Variants in SV2B observed in about 807,000 individuals in gnomAD.
SV2B encodes synaptic vesicle glycoprotein 2B.
A neutral mutation model predicts 73.9 loss-of-function variants in SV2B; 41 were observed. The ratio of observed to expected loss-of-function variants is 0.56; its 90% CI spans 0.43 to 0.72. The LOEUF is 0.72. Ranked by LOEUF, SV2B falls within the 30% of genes least tolerant of loss-of-function variation. SV2B has a pLI of 0.00. For synonymous variants in SV2B, 314 were observed against 314.2 expected (o/e 1.00, Z 0.01); for missense variants, 764 against 857.8 (o/e 0.89, Z 1.37).
intron 1 of SV2B, among the ~76,000 whole-genome samples, chr15:91,195,876 AT>A (rs1469577424): frequency 1.3e-5 from 2 of 152,192 alleles, no homozygotes; most frequent in Admixed American, 6.5e-5. Context: ...GTGTGTTGTT[AT>A]TACTATCTAT....
chr15:91,134,547 C>T (rs11637280), intron 1 of SV2B, among the ~76,000 whole-genome samples: 16,228 of 152,110 alleles, frequency 0.11, 933 homozygotes, highest in Non-Finnish European at 0.12. Context: ...CCAGGACACC[C>T]GGCGTGATCA....
At chr15:91,163,776 C>T (rs980154977) in intron 1 of SV2B, among the ~76,000 whole-genome samples, 38 of 152,164 alleles carry the variant, frequency 2.5e-4, no homozygotes, top group Non-Finnish European at 4.4e-4. Flanking sequence ...AATTAGATCC[C>T]ATTAGTCAAT....
rs908557347 is a variant in SV2B, at chr15:91,284,032, C to T, written c.1519C>T (p.His507Tyr). The change falls in exon 11 of 13, where the codon CAC becomes TAC. Residue 507 changes from histidine (H) to tyrosine (Y), a missense_variant. Transcript: ENST00000394232. The surrounding 1 kb of genome is among the most constrained non-coding windows in gnomAD (Gnocchi z 4.5). The part of the protein sequence containing the change: ...TIFYNTDLYE[H>Y]KFINCRFINS... ...CCTTCTCTCCCCAGACCTCTACGAGCACAAGTTCATCAACTGTCGGTTTAT... is the reference window on the plus strand; with the variant it reads ...CCTTCTCTCCCCAGACCTCTACGAGTACAAGTTCATCAACTGTCGGTTTAT... 6.2e-6 allele frequency: 10 copies of T among 1,614,184 alleles called. No homozygotes were observed. The highest frequency in any genetic ancestry group is 8.5e-6 in the Non-Finnish European group (10 of 1,180,024).
rs367681549 is a variant in SV2B at position 91,299,146 on chromosome 15, G to A, written c.*6594G>A. On this transcript the variant is annotated 3_prime_UTR_variant, in exon 13 of 13. Transcript: ENST00000394232. Reference sequence around the variant, plus strand: ...TTATGTTATACACCATAAATATATAGAAGTTTTACTTGTCAATTAAAACTA... The same window carrying A: ...TTATGTTATACACCATAAATATATAAAAGTTTTACTTGTCAATTAAAACTA... 1.3e-4 allele frequency: 20 copies of A among 152,088 alleles called. No individual in the cohort carries two copies. Among genetic ancestry groups the A allele is most frequent in the African/African-American group, 4.6e-4 (19 of 41,468 alleles). The allele number at this position is 152,088 out of a possible 1,614,324, so 9.4% of individuals were successfully genotyped here. A position where few individuals can be genotyped will look rare whatever the true frequency, so the allele number is the denominator to read the frequency against.
intron 1 of SV2B, among the ~76,000 whole-genome samples, chr15:91,133,462 T>C (rs1487978991): frequency 6.6e-6 from 1 of 152,120 alleles, no homozygotes; most frequent in Admixed American, 6.5e-5. Context: ...ATTCTAATGA[T>C]AGTCTATTTT....
At chr15:91,151,098 G>A (rs57590898) in intron 1 of SV2B, among the ~76,000 whole-genome samples, 32 of 152,342 alleles carry the variant, frequency 2.1e-4, no homozygotes, top group Admixed American at 2.0e-3. Context: ...CACCATGAGC[G>A]TGGAGCTCTG....
At chr15:91,219,907 T>C (rs2141460482) in intron 1 of SV2B, among the ~76,000 whole-genome samples, 1 of 152,380 alleles carries the variant, frequency 6.6e-6, no homozygotes, top group South Asian at 2.1e-4. Context: ...GTTTAGCTTC[T>C]TTCATTTGAC....
At chr15:91,212,978 TAAAA>T (rs34863204) in intron 1 of SV2B, among the ~76,000 whole-genome samples, 1 of 127,102 alleles carries the variant, frequency 7.9e-6, no homozygotes. Flanking sequence ...CTGTCTCTAC[TAAAA>T]AAAAAAAAAA....
chr15:91,160,073 A>G (rs1486067208), intron 1 of SV2B, among the ~76,000 whole-genome samples: 1 of 152,218 alleles, frequency 6.6e-6, no homozygotes, highest in Non-Finnish European at 1.5e-5. Context: ...TTCCCAAAGT[A>G]ATATATGAAA....
rs2042541242 is a variant in SV2B, at chr15:91,128,197, C to T, written c.-392+27834C>T. On this transcript the variant is annotated intron_variant, in intron 1 of 12. Coordinates refer to ENST00000394232, the MANE Select transcript of SV2B (RefSeq NM_001323032.3). This position sits in a 1 kb window ranked among gnomAD's most constrained non-coding sequence, Gnocchi z 4.2. Reference sequence around the variant, plus strand: ...TCTTTGTGTAGCGGAGATTTTCAGTCCCTCCTGGGAGCTGTTTTCACCCTC... The same window carrying T: ...TCTTTGTGTAGCGGAGATTTTCAGTTCCTCCTGGGAGCTGTTTTCACCCTC... 6.6e-6 allele frequency among the ~76,000 whole-genome samples: 1 copy of T among 152,160 alleles called. No individual in the cohort carries two copies. The highest frequency in any genetic ancestry group is 1.5e-5 in the Non-Finnish European group (1 of 68,018).
chr15:91,202,335 A>G (rs1031747666), intron 1 of SV2B, among the ~76,000 whole-genome samples: 1 of 152,224 alleles, frequency 6.6e-6, no homozygotes, highest in Non-Finnish European at 1.5e-5. Context: ...TGCTTAGCAC[A>G]TAGTAGGTGC....
At chr15:91,146,978 C>T (rs2043165257) in intron 1 of SV2B, among the ~76,000 whole-genome samples, 1 of 152,158 alleles carries the variant, frequency 6.6e-6, no homozygotes, top group Non-Finnish European at 1.5e-5. Flanking sequence ...TGCAAAGCTT[C>T]TGAGCCATAT....
At chr15:91,213,102 G>C (rs1382494016) in intron 1 of SV2B, among the ~76,000 whole-genome samples, 2 of 152,040 alleles carry the variant, frequency 1.3e-5, no homozygotes, top group Non-Finnish European at 2.9e-5. Context: ...GCAGTGAACT[G>C]AGATCGTGCC....
intron 2 of SV2B, among the ~76,000 whole-genome samples, chr15:91,233,986 G>T (rs1236356277): frequency 6.6e-6 from 1 of 152,172 alleles, no homozygotes; most frequent in Non-Finnish European, 1.5e-5. Flanking sequence ...ATAAAGTTGG[G>T]TCAGGCTACA....
At chr15:91,162,212 A>G (rs11858273) in intron 1 of SV2B, among the ~76,000 whole-genome samples, 59,488 of 151,858 alleles carry the variant, frequency 0.39, 12,155 homozygotes, top group East Asian at 0.7. Context: ...AAAAATGTGT[A>G]TGTCTTTAGT....
intron 1 of SV2B, chr15:91,102,421 G>T (rs777514408): frequency 2.6e-5 from 4 of 152,150 alleles, no homozygotes; most frequent in Admixed American, 6.5e-5. Context: ...TTAAAGAAAA[G>T]ATACTTTAAA....
At position 91,297,323 on chromosome 15, in the gene SV2B, A is replaced by T. The variant is rs923651121; in HGVS notation, c.*4771A>T. 6.6e-6 allele frequency: 1 copy of T among 152,218 alleles called. No homozygotes were observed. Among genetic ancestry groups the T allele is most frequent in the Admixed American group, 6.5e-5 (1 of 15,288 alleles). The allele number at this position is 152,218 out of a possible 1,614,324, so 9.4% of individuals were successfully genotyped here. On this transcript the variant is annotated 3_prime_UTR_variant, in exon 13 of 13. Transcript: ENST00000394232. The surrounding 1 kb of genome is among the most constrained non-coding windows in gnomAD (Gnocchi z 5.1). Reference sequence around the variant, plus strand: ...ATCCAGCCTCCCTTTGCTGCAGAGGAGGCAGGGAAATGCGGTATTTACTGG... The same window carrying T: ...ATCCAGCCTCCCTTTGCTGCAGAGGTGGCAGGGAAATGCGGTATTTACTGG...
Position 91,280,996 on chromosome 15 carries a change from T to C in SV2B, c.1374-732T>C, listed in dbSNP as rs1207124098. ...TTAAAGATTATTCCATATTAACACA[T>C]ATAGATCTACCTCATTTACTACGAT... is the stretch of plus-strand genomic sequence containing the variant. On this transcript the variant is annotated intron_variant, in intron 9 of 12. Transcript: ENST00000394232. The surrounding 1 kb of genome is among the most constrained non-coding windows in gnomAD (Gnocchi z 5.8). 6.6e-6 allele frequency among the ~76,000 whole-genome samples: 1 copy of C among 152,232 alleles called. No homozygotes were observed. Among genetic ancestry groups the C allele is most frequent in the African/African-American group, 2.4e-5 (1 of 41,462 alleles).
rs1393188397 is a variant in SV2B, at chr15:91,128,440, A to G, written c.-392+28077A>G. Among the ~76,000 whole-genome samples, 1 of 152,222 alleles carries G rather than the reference A, an allele frequency of 6.6e-6. No individual in the cohort carries two copies. The highest frequency in any genetic ancestry group is 2.4e-5 in the African/African-American group (1 of 41,456). On this transcript the variant is annotated intron_variant, in intron 1 of 12. Transcript: ENST00000394232. The surrounding 1 kb of genome is among the most constrained non-coding windows in gnomAD (Gnocchi z 4.2). ...GCAAACCCTCACCTGGCTGAATATGAGATCCCTACATTGCTATTGGCGCTC... is the reference window on the plus strand; with the variant it reads ...GCAAACCCTCACCTGGCTGAATATGGGATCCCTACATTGCTATTGGCGCTC...
Sources: allele counts gnomAD v4.1 joint callset (sites outside exome capture counted in the v4.1 genomes callset), GRCh38; gene constraint gnomAD v4.1.1; non-coding constraint Gnocchi (gnomAD v3.1); transcripts MANE v1.5; gene names NCBI Gene and HGNC (gene_info 2026-07-23, HGNC 2026-07-21).